The following TMEM132B variants were observed in gnomAD, a reference collection of about 807,000 sequenced individuals.
The protein encoded by TMEM132B is transmembrane protein 132B.
Under a neutral mutation model 90.8 loss-of-function variants are expected in TMEM132B, and 18 were observed. The observed-to-expected ratio is 0.20, with a 90% confidence interval of 0.14 to 0.29. The LOEUF is 0.29. TMEM132B is among the 10% of genes least tolerant of loss of function. TMEM132B has a pLI of 1.00. For synonymous variants in TMEM132B, 504 were observed against 523.3 expected, an observed-to-expected ratio of 0.96 and a Z score of 0.50; for missense variants, 1,096 against 1,326.8, an observed-to-expected ratio of 0.83 and a Z score of 2.70.
chr12:125,614,684 A>C (rs901446164), intron 5 of TMEM132B, among the ~76,000 whole-genome samples: 1 of 152,210 alleles, frequency 6.6e-6, no homozygotes, highest in Non-Finnish European at 1.5e-5. Flanking sequence ...AATGTAAATT[A>C]GTCCAGCCCT....
In TMEM132B at chr12:125,407,873, GCT is replaced by G. The variant is rs1192585633; in HGVS notation, c.960-7655_960-7654del. ...CTTACGTCCCTGTTACAATGCACTT[GCT>G]CTGTTTTGAACTTCATATTGAACTG... On this transcript the variant is annotated intron_variant, in intron 2 of 8. Coordinates refer to ENST00000682704, the MANE Select transcript of TMEM132B (RefSeq NM_001366854.1). This position sits in a 1 kb window ranked among gnomAD's most constrained non-coding sequence, Gnocchi z 6.7. Among the ~76,000 whole-genome samples, 2 of 152,242 alleles carry G rather than the reference GCT, an allele frequency of 1.3e-5. No individual in the cohort carries two copies. Among genetic ancestry groups the G allele is most frequent in the Non-Finnish European group, 2.9e-5 (2 of 68,038 alleles).
At chr12:125,315,667 G>C (rs1226986031) in intron 1 of TMEM132B, among the ~76,000 whole-genome samples, 1 of 152,164 alleles carries the variant, frequency 6.6e-6, no homozygotes. Context: ...ACTTGGCCAA[G>C]GTAACACAAC....
Position 125,433,523 on chromosome 12 carries a change from CT to C in TMEM132B, c.1106+17855del, listed in dbSNP as rs146762776. Among the ~76,000 whole-genome samples the C allele has an allele frequency of 3.3e-3, 471 of 144,206 alleles. 4 individuals carry two copies. The highest frequency in any genetic ancestry group is 0.011 in the African/African-American group (427 of 39,194). 94.6% of individuals were successfully genotyped at this position (144,206 alleles called of 152,430 possible). A position where few individuals can be genotyped will look rare whatever the true frequency, so the allele number is the denominator to read the frequency against. ...TTGTATTTTCTTTTTTTTTTTTTGT[CT>C]TTTTTTTTATTATACTTTAAGTTTT... On this transcript the variant is annotated intron_variant, in intron 3 of 8. Coordinates refer to ENST00000682704, the MANE Select transcript of TMEM132B (RefSeq NM_001366854.1).
At chr12:125,505,188 A>AAC (rs1566056610) in intron 3 of TMEM132B, among the ~76,000 whole-genome samples, 1 of 146,846 alleles carries the variant, frequency 6.8e-6, no homozygotes, top group African/African-American at 2.6e-5. Flanking sequence ...AAAAAAAAAA[A>AAC]AAAAAAACAG....
intron 1 of TMEM132B, among the ~76,000 whole-genome samples, chr12:125,347,476 A>G (rs1593097220): frequency 6.6e-6 from 1 of 152,266 alleles, no homozygotes; most frequent in Middle Eastern, 3.4e-3. Context: ...CTCACCCTCT[A>G]GAAAAGGAAA....
chr12:125,542,886 A>G (rs141964003), intron 4 of TMEM132B, among the ~76,000 whole-genome samples: 3 of 152,328 alleles, frequency 2.0e-5, no homozygotes, highest in Admixed American at 6.5e-5. Flanking sequence ...ATCTTATTAT[A>G]CAGGGTGCTA....
chr12:125,431,173 C>T (rs1347230865), intron 3 of TMEM132B, among the ~76,000 whole-genome samples: 2 of 152,122 alleles, frequency 1.3e-5, no homozygotes, highest in African/African-American at 4.8e-5. Context: ...ATGTGATCTA[C>T]TTTACCTTTT....
chr12:125,649,329 C>T (rs1593045342), intron 6 of TMEM132B, among the ~76,000 whole-genome samples: 2 of 152,224 alleles, frequency 1.3e-5, no homozygotes, highest in East Asian at 3.9e-4. Flanking sequence ...TTTCTTTATG[C>T]AAAAATAAGA....
At chr12:125,280,756 C>G (rs2136130332) in intron 1 of TMEM132B, among the ~76,000 whole-genome samples, 1 of 152,342 alleles carries the variant, frequency 6.6e-6, no homozygotes, top group Non-Finnish European at 1.5e-5. Flanking sequence ...GATAGTACAA[C>G]TCTTCGGTCA....
At chr12:125,278,115 G>A (rs948512671) in intron 1 of TMEM132B, among the ~76,000 whole-genome samples, 2 of 152,220 alleles carry the variant, frequency 1.3e-5, no homozygotes, top group Non-Finnish European at 2.9e-5. Context: ...TAGAGCAGAG[G>A]TTGGCAAACT....
At chr12:125,558,545 T>G (rs1013516837) in intron 4 of TMEM132B, among the ~76,000 whole-genome samples, 1 of 152,212 alleles carries the variant, frequency 6.6e-6, no homozygotes, top group Non-Finnish European at 1.5e-5. Context: ...AAGATACACA[T>G]ACCAAATAAC....
chr12:125,271,282 A>G (rs966541284), intron 1 of TMEM132B, among the ~76,000 whole-genome samples: 1 of 152,188 alleles, frequency 6.6e-6, no homozygotes, highest in Non-Finnish European at 1.5e-5. Context: ...GAGTTTGGCA[A>G]AAGTCAGGGG....
chr12:125,408,954 C>G lies in TMEM132B; in HGVS notation c.960-6577C>G, dbSNP rs775963962. Reference sequence around the variant, plus strand: ...CTTTTGTACTGCACAAGGGGATACACCAGAGTGGATTGTTAATAATAATAG... The same window carrying G: ...CTTTTGTACTGCACAAGGGGATACAGCAGAGTGGATTGTTAATAATAATAG... On this transcript the variant is annotated intron_variant, in intron 2 of 8. Coordinates refer to ENST00000682704, the MANE Select transcript of TMEM132B (RefSeq NM_001366854.1). The surrounding 1 kb of genome is among the most constrained non-coding windows in gnomAD (Gnocchi z 5.9). Among the ~76,000 whole-genome samples the G allele has an allele frequency of 6.6e-6, 1 of 152,006 alleles. No individual in the cohort carries two copies.
chr12:125,661,731 T>G lies in TMEM132B; in HGVS notation c.*7021T>G, dbSNP rs1406405879. 1 of 152,180 alleles carries G rather than the reference T, an allele frequency of 6.6e-6. No homozygotes were observed. Among genetic ancestry groups the G allele is most frequent in the East Asian group, 1.9e-4 (1 of 5,194 alleles). 9.4% of individuals were successfully genotyped at this position (152,180 alleles called of 1,614,324 possible). A position where few individuals can be genotyped will look rare whatever the true frequency, so the allele number is the denominator to read the frequency against. On this transcript the variant is annotated 3_prime_UTR_variant, in exon 9 of 9. Coordinates refer to ENST00000682704, the MANE Select transcript of TMEM132B (RefSeq NM_001366854.1). The stretch of plus-strand genomic sequence containing the variant: ...AGCAAACACCATAACTATGAAAGGC[T>G]GAGAGTGGAGAATTAAGTCATAAGG...
chr12:125,399,135 A>G (rs564015319), intron 2 of TMEM132B, among the ~76,000 whole-genome samples: 1 of 152,190 alleles, frequency 6.6e-6, no homozygotes, highest in Non-Finnish European at 1.5e-5. Flanking sequence ...AGCTAGTGAG[A>G]TGGTCTTATA....
intron 1 of TMEM132B, among the ~76,000 whole-genome samples, chr12:125,317,588 C>T (rs1449135695): frequency 3.3e-5 from 5 of 151,830 alleles, no homozygotes; most frequent in Non-Finnish European, 7.4e-5. Flanking sequence ...TGCCTTCCCA[C>T]CATGGGGTCA....
chr12:125,406,776 C>G lies in TMEM132B; in HGVS notation c.960-8755C>G, dbSNP rs1486205304. 6.6e-6 allele frequency among the ~76,000 whole-genome samples: 1 copy of G among 152,110 alleles called. No homozygotes were observed. The highest frequency in any genetic ancestry group is 1.9e-4 in the East Asian group (1 of 5,190). On this transcript the variant is annotated intron_variant, in intron 2 of 8. Transcript: ENST00000682704. The surrounding 1 kb of genome is among the most constrained non-coding windows in gnomAD (Gnocchi z 8.3). ...GATGCCATCTGCAAGTCTGGAGGGT[C>G]CCCAAGACCACCCTCAGGTTCAGTA...
chr12:125,560,082 G>A (rs1405469623), intron 4 of TMEM132B, among the ~76,000 whole-genome samples: 1 of 152,206 alleles, frequency 6.6e-6, no homozygotes, highest in Admixed American at 6.5e-5. Context: ...TCCACCGAGG[G>A]CTTGGGGTCA....
intron 1 of TMEM132B, among the ~76,000 whole-genome samples, chr12:125,323,782 G>A (rs1876490563): frequency 6.6e-6 from 1 of 152,172 alleles, no homozygotes; most frequent in South Asian, 2.1e-4. Context: ...GCCTTCCAAA[G>A]TGCTAGGATT....
Sources: allele counts gnomAD v4.1 joint callset (sites outside exome capture counted in the v4.1 genomes callset), GRCh38; gene constraint gnomAD v4.1.1; non-coding constraint Gnocchi (gnomAD v3.1); transcripts MANE v1.5; gene names NCBI Gene and HGNC (gene_info 2026-07-23, HGNC 2026-07-21).